Variants in PLSCR1 observed in about 807,000 individuals in gnomAD.
PLSCR1 encodes the protein PL scramblase 1.
Under a neutral mutation model 37.8 loss-of-function variants are expected in PLSCR1, and 17 were observed. The observed-to-expected ratio is 0.45, with a 90% CI of 0.31 to 0.68. The LOEUF (loss-of-function observed/expected upper bound fraction) is 0.68. Among genes scored for constraint, PLSCR1 ranks in the 30% least tolerant of loss-of-function variants. The pLI is 0.06. For synonymous variants in PLSCR1, 116 were observed against 125.9 expected, an observed-to-expected ratio of 0.92 and a Z score of 0.53; for missense variants, 347 against 380.9, an observed-to-expected ratio of 0.91 and a Z score of 0.74.
intron 5 of PLSCR1, 144 bp from the exon 6 acceptor site, chr3:146,522,197 C>G: frequency 1.6e-6 from 1 of 635,044 alleles, no homozygotes; most frequent in Non-Finnish European, 2.8e-6. Flanking sequence ...TAGAGATGAT[C>G]CAGACAGAGA....
At chr3:146,533,372 A>C in intron 3 of PLSCR1, 98 bp downstream of exon 3, 1 of 579,676 alleles carries the variant, frequency 1.7e-6, no homozygotes, top group South Asian at 3.4e-5. Context: ...AAACAAATGC[A>C]CAATTCTCTC....
intron 7 of PLSCR1, among the ~76,000 whole-genome samples, chr3:146,520,703 T>C (rs889644656): frequency 1.3e-4 from 20 of 152,100 alleles, no homozygotes; most frequent in African/African-American, 4.8e-4. Context: ...CACTGGATAT[T>C]GAAAAACCTC....
intron 7 of PLSCR1, among the ~76,000 whole-genome samples, chr3:146,521,152 T>C (rs1034675779): frequency 1.3e-5 from 2 of 152,198 alleles, no homozygotes; most frequent in Non-Finnish European, 2.9e-5. Flanking sequence ...ATTCTGAACA[T>C]GGCCTTGAGC....
intron 1 of PLSCR1, among the ~76,000 whole-genome samples, chr3:146,537,808 T>C (rs2044285316): frequency 6.6e-6 from 1 of 152,160 alleles, no homozygotes; most frequent in Non-Finnish European, 1.5e-5. Context: ...ATATTGACGG[T>C]CTAATGAAGT....
intron 2 of PLSCR1, among the ~76,000 whole-genome samples, chr3:146,534,429 C>T (rs2044239250): frequency 6.6e-6 from 1 of 152,088 alleles, no homozygotes; most frequent in Admixed American, 6.6e-5. Context: ...GACATGGCAT[C>T]AATATAGAAG....
intron 1 of PLSCR1, among the ~76,000 whole-genome samples, chr3:146,537,549 AGAAGAAACCGCCTT>A (rs952090204): frequency 6.6e-6 from 1 of 152,162 alleles, no homozygotes; most frequent in Non-Finnish European, 1.5e-5. Flanking sequence ...AGACTTCCCA[AGAAGAAACCGCCTT>A]CCTCCTTGCT....
intron 7 of PLSCR1, among the ~76,000 whole-genome samples, chr3:146,519,586 C>T (rs2043991704): frequency 6.6e-6 from 1 of 152,044 alleles, no homozygotes; most frequent in South Asian, 2.1e-4. Context: ...CAATTACTGT[C>T]TGTTTGCTGA....
intron 7 of PLSCR1, among the ~76,000 whole-genome samples, chr3:146,518,557 A>C (rs1025321972): frequency 6.6e-6 from 1 of 152,218 alleles, no homozygotes; most frequent in East Asian, 1.9e-4. Flanking sequence ...GAAGCTAGTA[A>C]TGAAAACTCT....
At chr3:146,528,399 T>C (rs1576789140) in intron 4 of PLSCR1, 3 of 571,128 alleles carry the variant, frequency 5.3e-6, no homozygotes, top group South Asian at 2.1e-5. Context: ...GCCATTATCA[T>C]AGATTGTATT....
intron 2 of PLSCR1, among the ~76,000 whole-genome samples, chr3:146,534,572 C>A (rs1469626946): frequency 6.6e-6 from 1 of 152,054 alleles, no homozygotes; most frequent in African/African-American, 2.4e-5. Flanking sequence ...ACCCCCTGCC[C>A]CGGCCTTTCT....
intron 5 of PLSCR1, among the ~76,000 whole-genome samples, chr3:146,524,888 GGA>G (rs1231537263): frequency 6.6e-6 from 1 of 152,142 alleles, no homozygotes; most frequent in Non-Finnish European, 1.5e-5. Flanking sequence ...CCTAAAAACT[GGA>G]GAGTTTTATT....
intron 1 of PLSCR1, chr3:146,536,780 C>T (rs1160849045): frequency 4.2e-6 from 2 of 473,194 alleles, no homozygotes; most frequent in African/African-American, 3.9e-5. Flanking sequence ...TGTTGGTCAG[C>T]TCATGATGGT....
At chr3:146,530,439 T>C (rs779958401) in intron 3 of PLSCR1, among the ~76,000 whole-genome samples, 1 of 152,206 alleles carries the variant, frequency 6.6e-6, no homozygotes, top group African/African-American at 2.4e-5. Context: ...GGCAGCCTGC[T>C]GTCAGAGAGC....
intron 3 of PLSCR1, among the ~76,000 whole-genome samples, chr3:146,532,715 A>T (rs1021867935): frequency 4.6e-5 from 7 of 152,172 alleles, no homozygotes; most frequent in African/African-American, 1.4e-4. Flanking sequence ...CTCTTTCAAG[A>T]TGTGGGTAGC....
chr3:146,522,053 A>G lies in PLSCR1; in HGVS notation c.356T>C (p.Val119Ala). 6.6e-7 allele frequency: 1 copy of G among 1,513,822 alleles called. No homozygotes were observed. Among genetic ancestry groups the G allele is most frequent in the South Asian group, 1.1e-5 (1 of 89,036 alleles). The allele number at this position is 1,513,822 out of a possible 1,614,324, so 93.8% of individuals were successfully genotyped here. A position where few individuals can be genotyped will look rare whatever the true frequency, so the allele number is the denominator to read the frequency against. ...LIHQQIELLE[V>A]LTGFETNNKY... ...GTTATTAGTTTCAAAACCTGTTAAA[A>G]CTAAAAACATAAAAGACGAAATCAT... is the stretch of plus-strand genomic sequence containing the variant. The change falls in exon 6 of 9, where the codon GTT becomes GCT. Residue 119 changes from valine to alanine, a missense_variant and splice_region_variant. Coordinates refer to ENST00000342435, the MANE Select transcript of PLSCR1 (RefSeq NM_021105.3).
At chr3:146,528,295 C>T (rs2044146927) in intron 4 of PLSCR1, 2 of 324,122 alleles carry the variant, frequency 6.2e-6, no homozygotes, top group African/African-American at 2.2e-5. Flanking sequence ...AGCACCTATA[C>T]ATCACAGACT....
chr3:146,533,856 GAT>G (rs754842484), intron 2 of PLSCR1, among the ~76,000 whole-genome samples: 1 of 152,118 alleles, frequency 6.6e-6, no homozygotes. Context: ...ATAAAACAAA[GAT>G]AGCTTTAAAA....
At position 146,526,826 on chromosome 3, in the gene PLSCR1, TA is replaced by T. The variant is rs1207786413; in HGVS notation, c.313-1180del. Among the ~76,000 whole-genome samples, 2 of 151,982 alleles carry T rather than the reference TA, an allele frequency of 1.3e-5. 1 individual carries two copies. Among genetic ancestry groups the T allele is most frequent in the East Asian group, 3.9e-4 (2 of 5,182 alleles). On this transcript the variant is annotated intron_variant, in intron 4 of 8. Transcript: ENST00000342435. ...ATGTTCTCACTCATACATGGAAGCT[TA>T]AAAAAATTGATTTCTTAGAAGTAGA...
At chr3:146,543,396 T>C (rs2044362614) in intron 1 of PLSCR1, among the ~76,000 whole-genome samples, 1 of 152,240 alleles carries the variant, frequency 6.6e-6, no homozygotes, top group African/African-American at 2.4e-5. Context: ...TTTCCCCGCA[T>C]TTTCTCATTG....
Sources: allele counts gnomAD v4.1 joint callset (sites outside exome capture counted in the v4.1 genomes callset), GRCh38; gene constraint gnomAD v4.1.1; transcripts MANE v1.5; gene names NCBI Gene and HGNC (gene_info 2026-07-23, HGNC 2026-07-21).